ADGRV1: variants seen among roughly 807,000 people sequenced by gnomAD.
The protein encoded by ADGRV1 is G-protein coupled receptor 98.
ADGRV1 carries 359 observed loss-of-function variants against 596.2 expected under a neutral mutation model. That is an observed-to-expected ratio of 0.60 (90% confidence interval 0.55 to 0.66). The LOEUF (loss-of-function observed/expected upper bound fraction) is 0.66, where lower values mean the gene tolerates loss of function less well. ADGRV1 is among the 30% of genes least tolerant of loss of function. ADGRV1 has a pLI of 0.00. For synonymous variants in ADGRV1, 2,681 were observed against 2,679.2 expected, an observed-to-expected ratio of 1.00 and a Z score of -0.02; for missense variants, 7,274 against 7,575.6, an observed-to-expected ratio of 0.96 and a Z score of 1.48.
At chr5:91,064,973 AC>A (rs1194883085) in intron 85 of ADGRV1, among the ~76,000 whole-genome samples, 1 of 152,248 alleles carries the variant, frequency 6.6e-6, no homozygotes, top group Non-Finnish European at 1.5e-5. Context: ...AATTGAGTAT[AC>A]AAGGAAAGGA....
chr5:90,697,053 T>A lies in ADGRV1; in HGVS notation c.8062T>A (p.Ser2688Thr), dbSNP rs1747279088. The change falls in exon 34 of 90, where the codon TCC (serine) becomes ACC (threonine). Residue 2688 changes from serine to threonine, a missense_variant. Physicochemically the swap from Ser to Thr is moderately conservative, Grantham distance 58. Coordinates refer to ENST00000405460, the MANE Select transcript of ADGRV1 (RefSeq NM_032119.4). ...TEGGSRILPS[S>T]DTVRVNILAN... ...AGGTGGAAGTAGAATTTTGCCAAGC[T>A]CCGACACTGTTAGAGTGAACATTTT... 1 of 1,613,368 alleles carries A rather than the reference T, an allele frequency of 6.2e-7. No homozygotes were observed. The highest frequency in any genetic ancestry group is 1.3e-5 in the African/African-American group (1 of 74,900).
chr5:90,886,275 G>T (rs2150562792), intron 83 of ADGRV1, among the ~76,000 whole-genome samples: 1 of 152,210 alleles, frequency 6.6e-6, no homozygotes, highest in African/African-American at 2.4e-5. Flanking sequence ...ACCCACTCCT[G>T]GTTGGTCTTT....
intron 76 of ADGRV1, among the ~76,000 whole-genome samples, chr5:90,824,244 CAATATTACTTTTAA>C (rs1763875100): frequency 6.6e-6 from 1 of 152,158 alleles, no homozygotes; most frequent in South Asian, 2.1e-4. Flanking sequence ...TTTGTCTTTT[CAATATTACTTTTAA>C]AATATCTGGA....
At chr5:90,796,973 C>T (rs971440416) in intron 70 of ADGRV1, among the ~76,000 whole-genome samples, 9 of 152,046 alleles carry the variant, frequency 5.9e-5, no homozygotes, top group African/African-American at 2.2e-4. Context: ...CTGAAGGAAG[C>T]ACTAAACATG....
intron 83 of ADGRV1, among the ~76,000 whole-genome samples, chr5:90,909,024 A>G (rs1772591884): frequency 6.6e-6 from 1 of 152,182 alleles, no homozygotes; most frequent in Admixed American, 6.5e-5. Flanking sequence ...GCAGAGGAAC[A>G]ACCTCTGAAG....
intron 1 of ADGRV1, among the ~76,000 whole-genome samples, chr5:90,605,697 T>C (rs1762034442): frequency 6.6e-6 from 1 of 152,214 alleles, no homozygotes; most frequent in Non-Finnish European, 1.5e-5. Context: ...CATGTCAAGA[T>C]TTTATTCAAC....
intron 81 of ADGRV1, among the ~76,000 whole-genome samples, chr5:90,854,950 C>G (rs1766883867): frequency 6.6e-6 from 1 of 152,080 alleles, no homozygotes; most frequent in African/African-American, 2.4e-5. Context: ...AAATTTCTTC[C>G]TAGGTTTAAA....
chr5:91,110,264 G>A (rs1229196680), intron 87 of ADGRV1, among the ~76,000 whole-genome samples: 1 of 152,092 alleles, frequency 6.6e-6, no homozygotes, highest in Non-Finnish European at 1.5e-5. Context: ...ATCACCTGGG[G>A]TTTATACTCA....
At chr5:90,595,332 C>G (rs1229086550) in intron 1 of ADGRV1, among the ~76,000 whole-genome samples, 1 of 54,210 alleles carries the variant, frequency 1.8e-5, no homozygotes, top group Admixed American at 1.6e-4. Context: ...GCTGGCCGGG[C>G]GGGGGGCTGA....
intron 75 of ADGRV1, among the ~76,000 whole-genome samples, chr5:90,817,541 T>C (rs1042047630): frequency 1.1e-4 from 17 of 151,760 alleles, no homozygotes; most frequent in Admixed American, 2.0e-4. Flanking sequence ...GTTTTTATGG[T>C]TTTAGGTCTA....
intron 88 of ADGRV1, 86 bp from the exon 89 acceptor site, chr5:91,153,135 G>A: frequency 1.8e-6 from 2 of 1,089,384 alleles, no homozygotes; most frequent in East Asian, 5.2e-5. Flanking sequence ...CGGAGAGGCA[G>A]AGATCAATTG....
intron 34 of ADGRV1, among the ~76,000 whole-genome samples, chr5:90,698,716 AG>A (rs540181169): frequency 7.2e-5 from 11 of 152,080 alleles, no homozygotes; most frequent in Non-Finnish European, 1.3e-4. Flanking sequence ...TTGTGGACAG[AG>A]GAAAAAAAAG....
intron 83 of ADGRV1, among the ~76,000 whole-genome samples, chr5:90,946,498 G>T (rs1313346743): frequency 6.6e-6 from 1 of 152,020 alleles, no homozygotes; most frequent in African/African-American, 2.4e-5. Flanking sequence ...TGCAGGACAC[G>T]TAGGTTTGTT....
intron 1 of ADGRV1, among the ~76,000 whole-genome samples, chr5:90,590,193 A>G (rs927775832): frequency 4.6e-5 from 7 of 152,196 alleles, no homozygotes; most frequent in Non-Finnish European, 1.0e-4. Context: ...ATCTATTGCT[A>G]TGTAAGAAGC....
intron 1 of ADGRV1, chr5:90,614,154 T>C: frequency 3.8e-6 from 1 of 265,200 alleles, no homozygotes; most frequent in Non-Finnish European, 6.6e-6. Context: ...CATATCATAG[T>C]GAAAAAAAAA....
At chr5:90,650,216 A>G (rs1313230349) in intron 17 of ADGRV1, among the ~76,000 whole-genome samples, 1 of 152,216 alleles carries the variant, frequency 6.6e-6, no homozygotes, top group Non-Finnish European at 1.5e-5. Context: ...ATGCTCTGAT[A>G]TTGGATCAAA....
chr5:90,887,755 G>A (rs754306340), intron 83 of ADGRV1, among the ~76,000 whole-genome samples: 5 of 152,136 alleles, frequency 3.3e-5, no homozygotes, highest in Non-Finnish European at 7.4e-5. Flanking sequence ...ACATGGAGTT[G>A]TAATAGTTCA....
rs781430551 is a variant in ADGRV1 at position 90,965,438 on chromosome 5, C to T, written c.17880C>T (p.Tyr5960=). The T allele has an allele frequency of 8.1e-6, 13 of 1,612,236 alleles. No homozygotes were observed. The highest frequency in any genetic ancestry group is 3.3e-5 in the Admixed American group (2 of 60,004). Residue 5960 remains tyrosine, a synonymous_variant, in exon 84 of 90, where the codon TAC becomes TAT. Coordinates refer to ENST00000405460, the MANE Select transcript of ADGRV1 (RefSeq NM_032119.4). ...GTQILFLASA[Y]ASPQLAEESC... The stretch of plus-strand genomic sequence containing the variant: ...AGATTCTGTTTCTGGCGTCTGCATA[C>T]GCAAGTCCCCAACTCGCTGAGGAGA...
chr5:90,944,341 A>G (rs986019632), intron 83 of ADGRV1, among the ~76,000 whole-genome samples: 14 of 152,270 alleles, frequency 9.2e-5, no homozygotes, highest in East Asian at 1.9e-4. Flanking sequence ...AGGCATTTAC[A>G]TGTATACATT....
Sources: gnomAD v4.1 joint callset for allele counts (sites outside exome capture counted in the v4.1 genomes callset) on GRCh38, gnomAD v4.1.1 for gene constraint, MANE v1.5 for transcripts, NCBI Gene and HGNC (gene_info 2026-07-23, HGNC 2026-07-21) for gene names.